SUSD4: variants seen among roughly 807,000 people sequenced by gnomAD.
SUSD4 encodes sushi domain containing 4.
In SUSD4, 41 loss-of-function variants were observed where a neutral mutation model predicts 50.5. The ratio of observed to expected loss-of-function variants is 0.81; its 90% CI spans 0.63 to 1.05. The LOEUF is 1.05. Among genes scored for constraint, SUSD4 ranks in the 50% least tolerant of loss-of-function variants. SUSD4 has a pLI of 0.00. For missense variants in SUSD4, 580 were observed against 634.7 expected (o/e 0.91, Z 0.93); for synonymous variants, 257 against 257.3 (o/e 1.00, Z 0.01).
At chr1:223,236,713 T>C (rs1322941565) in intron 5 of SUSD4, among the ~76,000 whole-genome samples, 1 of 152,128 alleles carries the variant, frequency 6.6e-6, no homozygotes, top group Non-Finnish European at 1.5e-5. Flanking sequence ...ATTGATCTAT[T>C]TGTCAATTAT....
intron 2 of SUSD4, among the ~76,000 whole-genome samples, chr1:223,326,257 A>G (rs962938018): frequency 1.3e-5 from 2 of 152,166 alleles, no homozygotes; most frequent in Non-Finnish European, 2.9e-5. Flanking sequence ...GGGAATGGAC[A>G]CCATATTTAG....
Position 223,267,517 on chromosome 1 carries a change from C to T in SUSD4, c.535+985G>A, listed in dbSNP as rs75780699. On this transcript the variant is annotated intron_variant, in intron 4 of 8. Transcript: ENST00000366878. ...ATAAATCCTGTCTCCTTTAAAAATG[C>T]AACACAGAACATGCTCAGCAACACT... Among the ~76,000 whole-genome samples the T allele has an allele frequency of 1.7e-4, 26 of 152,250 alleles. No individual in the cohort carries two copies. The East Asian group carries it at 5.0e-3, about 29-fold the overall frequency.
In SUSD4 at chr1:223,256,211, G is replaced by A. The variant is rs116746641; in HGVS notation, c.724+8419C>T. Among the ~76,000 whole-genome samples the A allele has an allele frequency of 8.0e-3, 1,211 of 152,278 alleles. 11 individuals carry two copies. Among genetic ancestry groups the A allele is most frequent in the Non-Finnish European group, 0.013 (889 of 68,026 alleles). On this transcript the variant is annotated intron_variant, in intron 5 of 8. Coordinates refer to ENST00000366878, the MANE Select transcript of SUSD4 (RefSeq NM_017982.4). Reference sequence around the variant, plus strand: ...TCCTGAGAACACTAATGGTAAAGAAGTCATCAATGGGTGGCTGTGCAGATT... The same window carrying A: ...TCCTGAGAACACTAATGGTAAAGAAATCATCAATGGGTGGCTGTGCAGATT...
chr1:223,260,020 T>C (rs185365063), intron 5 of SUSD4, among the ~76,000 whole-genome samples: 1 of 152,334 alleles, frequency 6.6e-6, no homozygotes, highest in East Asian at 1.9e-4. Context: ...AACATGCTAC[T>C]ATTGGTCTCT....
intron 3 of SUSD4, among the ~76,000 whole-genome samples, chr1:223,283,289 C>T (rs1558213102): frequency 6.6e-6 from 1 of 152,144 alleles, no homozygotes; most frequent in Admixed American, 6.5e-5. Flanking sequence ...TCAGAGTGAA[C>T]AGGCAACCTA....
rs771119637 is a variant in SUSD4, at chr1:223,223,490, GCCCTGGC to G, written c.1196_1202del (p.Gly399AlafsTer62). 1.9e-6 allele frequency: 3 copies of G among 1,613,456 alleles called. No homozygotes were observed. Among genetic ancestry groups the G allele is most frequent in the Non-Finnish European group, 2.5e-6 (3 of 1,179,834 alleles). On this transcript the variant is annotated frameshift_variant, in exon 8 of 9. Coordinates refer to ENST00000366878, the MANE Select transcript of SUSD4 (RefSeq NM_017982.4). LOFTEE classifies it high-confidence loss of function. The stretch of plus-strand genomic sequence containing the variant: ...TCTGGTCGTCCACGGGTAAGGGGCA[GCCCTGGC>G]CCACAGAGGCCATGTACCCGGGGCC...
intron 4 of SUSD4, among the ~76,000 whole-genome samples, chr1:223,268,045 A>ATATATATATATATATATATG (rs1281770379): frequency 1.1e-4 from 7 of 62,584 alleles, no homozygotes; most frequent in Non-Finnish European, 8.7e-5. Context: ...ATATATATAC[A>ATATATATATATATATATATG]CACACACTGT....
intron 3 of SUSD4, among the ~76,000 whole-genome samples, chr1:223,280,799 A>G (rs1663662203): frequency 6.6e-6 from 1 of 152,182 alleles, no homozygotes; most frequent in Non-Finnish European, 1.5e-5. Context: ...TTTCAGCACC[A>G]CATCGCACTT....
chr1:223,274,368 C>A (rs924948889), intron 3 of SUSD4, among the ~76,000 whole-genome samples: 5 of 152,156 alleles, frequency 3.3e-5, no homozygotes, highest in African/African-American at 1.2e-4. Flanking sequence ...GAGGCACCAC[C>A]ATGTGGGATA....
chr1:223,234,877 G>T, intron 5 of SUSD4: 1 of 1,491,612 alleles, frequency 6.7e-7, no homozygotes, highest in South Asian at 1.5e-5. Context: ...CAGGTGTGCA[G>T]ATCATGGTGA....
At chr1:223,287,450 C>T (rs1664218967) in intron 3 of SUSD4, among the ~76,000 whole-genome samples, 2 of 152,066 alleles carry the variant, frequency 1.3e-5, no homozygotes, top group African/African-American at 4.8e-5. Context: ...TGCTCCTCTC[C>T]CACTCAAAGG....
At position 223,229,241 on chromosome 1, in the gene SUSD4, T is replaced by C. The variant is rs1659730898; in HGVS notation, c.872A>G (p.Tyr291Cys). Residue 291 changes from tyrosine to cysteine, a missense_variant, in exon 6 of 9, where the codon TAT becomes TGT. Physicochemically the swap from Tyr to Cys is radical, Grantham distance 194 (BLOSUM62 -2). Transcript: ENST00000366878. The surrounding 1 kb of genome is among the most constrained non-coding windows in gnomAD (Gnocchi z 4.7). The part of the protein sequence containing the change: ...TSDYKYITCQ[Y>C]GEWFPSYQVY... ...TTGATAAGAAGGAAACCACTCTCCA[T>C]ACTGGCAGGTGATGTACTTGTAGTC... 6.2e-7 allele frequency: 1 copy of C among 1,611,918 alleles called. No homozygotes were observed. Among genetic ancestry groups the C allele is most frequent in the Non-Finnish European group, 8.5e-7 (1 of 1,178,132 alleles).
Position 223,231,159 on chromosome 1 carries a change from G to A in SUSD4, c.725-1771C>T, listed in dbSNP as rs943887099. Among the ~76,000 whole-genome samples the A allele has an allele frequency of 2.6e-5, 4 of 152,208 alleles. 1 individual carries two copies. The highest frequency in any genetic ancestry group is 6.8e-3 in the Middle Eastern group (2 of 294). ...TGGAGCCCGGGGAAACTCAGACCCC[G>A]CTGGAGATGTCCCCAGGGCAGGAAC... On this transcript the variant is annotated intron_variant, in intron 5 of 8. Coordinates refer to ENST00000366878, the MANE Select transcript of SUSD4 (RefSeq NM_017982.4). This position sits in a 1 kb window ranked among gnomAD's most constrained non-coding sequence, Gnocchi z 4.2.
At chr1:223,316,797 A>T (rs1001536834) in intron 2 of SUSD4, among the ~76,000 whole-genome samples, 3 of 152,136 alleles carry the variant, frequency 2.0e-5, no homozygotes, top group Admixed American at 6.5e-5. Flanking sequence ...ATCCAAATGC[A>T]GGTCTGTCTG....
At chr1:223,322,809 GAC>G (rs1269077856) in intron 2 of SUSD4, among the ~76,000 whole-genome samples, 4 of 152,240 alleles carry the variant, frequency 2.6e-5, no homozygotes, top group Non-Finnish European at 5.9e-5. Flanking sequence ...CATGGACAGA[GAC>G]CATGTGTTAT....
At position 223,259,957 on chromosome 1, in the gene SUSD4, A is replaced by G. The variant is rs78634655; in HGVS notation, c.724+4673T>C. Among the ~76,000 whole-genome samples, 959 of 152,256 alleles carry G rather than the reference A, an allele frequency of 6.3e-3. 11 individuals carry two copies. Among genetic ancestry groups the G allele is most frequent in the African/African-American group, 0.022 (901 of 41,550 alleles). On this transcript the variant is annotated intron_variant, in intron 5 of 8. Transcript: ENST00000366878. ...TACACAGTCCTTCCCTAGGAGTGAG[A>G]TGTTCAGAACTTTCTCTTTCCCCAA...
upstream of SUSD4, among the ~76,000 whole-genome samples, chr1:223,364,374 G>A (rs1405351884): frequency 6.8e-6 from 1 of 147,404 alleles, no homozygotes; most frequent in Non-Finnish European, 1.5e-5. This position sits in a 1 kb window ranked among gnomAD's most constrained non-coding sequence, Gnocchi z 4.5. Flanking sequence ...GTGAGTGGGG[G>A]GGCGGGGACG....
At chr1:223,340,394 C>T (rs1458800891) in intron 2 of SUSD4, among the ~76,000 whole-genome samples, 2 of 152,176 alleles carry the variant, frequency 1.3e-5, no homozygotes, top group Non-Finnish European at 2.9e-5. Flanking sequence ...CCCAGTGAGA[C>T]CTCTGCTTGG....
At position 223,332,820 on chromosome 1, in the gene SUSD4, T is replaced by C. The variant is rs538149694; in HGVS notation, c.148+30458A>G. ...CCTGCCCCTGTCCTTTATGCCTACC[T>C]CCAGCTAAGCGGGTACTGGGGAGGG... On this transcript the variant is annotated intron_variant, in intron 2 of 8. Transcript: ENST00000366878. The surrounding 1 kb of genome is among the most constrained non-coding windows in gnomAD (Gnocchi z 4.0). Among the ~76,000 whole-genome samples, 24 of 152,170 alleles carry C rather than the reference T, an allele frequency of 1.6e-4. No homozygotes were observed. The highest frequency in any genetic ancestry group is 5.8e-4 in the African/African-American group (24 of 41,524).
Sources: gnomAD v4.1 joint callset for allele counts (sites outside exome capture counted in the v4.1 genomes callset) on GRCh38, gnomAD v4.1.1 for gene constraint, Gnocchi (gnomAD v3.1) non-coding constraint, MANE v1.5 for transcripts, NCBI Gene and HGNC (gene_info 2026-07-23, HGNC 2026-07-21) for gene names.